Variants in RSRC2 observed in about 807,000 individuals in gnomAD.
RSRC2 encodes the protein arginine and serine rich coiled-coil 2.
A neutral mutation model predicts 61.3 loss-of-function variants in RSRC2; 5 were observed. The observed-to-expected ratio is 0.08, with a 90% CI of 0.04 to 0.17. The LOEUF is 0.17. Ranked by LOEUF, RSRC2 falls within the 10% of genes least tolerant of loss-of-function variation. The pLI is 1.00. For synonymous variants in RSRC2, 202 were observed against 166.5 expected, an observed-to-expected ratio of 1.21 and a Z score of -1.64; for missense variants, 381 against 518.8, an observed-to-expected ratio of 0.73 and a Z score of 2.58.
At chr12:122,514,676 T>C (rs555022688) in intron 6 of RSRC2, 4 of 1,144,488 alleles carry the variant, frequency 3.5e-6, no homozygotes, top group South Asian at 1.5e-5. Context: ...TTAATTGCCA[T>C]CTTCAAAATA....
At chr12:122,518,297 A>G (rs879120356) in intron 4 of RSRC2, among the ~76,000 whole-genome samples, 1 of 152,044 alleles carries the variant, frequency 6.6e-6, no homozygotes, top group African/African-American at 2.4e-5. Flanking sequence ...GACCATCTCA[A>G]AAAAGAAAAT....
At chr12:122,507,768 C>T (rs1958215948) in intron 8 of RSRC2, 1 of 164,304 alleles carries the variant, frequency 6.1e-6, no homozygotes, top group Non-Finnish European at 1.3e-5. Flanking sequence ...TCACTGCAAC[C>T]TCCGCCTCCC....
At chr12:122,515,053 G>A in intron 6 of RSRC2, 52 bp downstream of exon 6, 2 of 1,575,476 alleles carry the variant, frequency 1.3e-6, no homozygotes, top group South Asian at 1.1e-5. Flanking sequence ...CCACACAATT[G>A]AGCATTTATT....
intron 1 of RSRC2, 39 bp downstream of exon 1, chr12:122,526,809 A>T (rs1474787546): frequency 1.9e-6 from 3 of 1,613,246 alleles, no homozygotes; most frequent in Non-Finnish European, 2.5e-6. Context: ...AACGTAGCAG[A>T]AAAATATCCC....
intron 9 of RSRC2, 84 bp downstream of exon 9, chr12:122,506,750 G>T: frequency 1.2e-6 from 1 of 832,550 alleles, no homozygotes; most frequent in Admixed American, 2.2e-5. Context: ...CCTGAGTAAA[G>T]ACCAGAACTA....
chr12:122,509,626 A>C (rs1004112278), intron 7 of RSRC2, among the ~76,000 whole-genome samples: 1 of 152,168 alleles, frequency 6.6e-6, no homozygotes. Context: ...TAACCTTAAA[A>C]AGTACTTAAA....
Position 122,520,691 on chromosome 12 carries a change from G to A in RSRC2, c.207+694C>T, listed in dbSNP as rs1054889832. ...TAACAGAGCTTCCATTACGGGAAGA[G>A]GTGAAGTCCCTGCCCACTCTTGTTT... On this transcript the variant is annotated intron_variant, in intron 3 of 9. Coordinates refer to ENST00000331738, the MANE Select transcript of RSRC2 (RefSeq NM_023012.6). The A allele has an allele frequency of 2.0e-5, 13 of 663,594 alleles. No homozygotes were observed. The African/African-American group carries it at 2.4e-4, about 12-fold the overall frequency. The allele number at this position is 663,594 out of a possible 1,614,324, so 41.1% of individuals were successfully genotyped here.
chr12:122,522,341 T>C, intron 1 of RSRC2, 42 bp from the exon 2 acceptor site: 1 of 1,514,774 alleles, frequency 6.6e-7, no homozygotes. Context: ...TTAATTACAT[T>C]TTAAATGTTT....
Position 122,526,835 on chromosome 12 carries a change from A to T in RSRC2, c.6+13T>A. 1.2e-6 allele frequency: 2 copies of T among 1,614,192 alleles called. No individual in the cohort carries two copies. The highest frequency in any genetic ancestry group is 1.7e-6 in the Non-Finnish European group (2 of 1,179,994). On this transcript the variant is annotated intron_variant, in intron 1 of 9. Transcript: ENST00000331738. ...AAAATATCCCTGGCTTTAAACTCAGATTCGGTACCTACCGCCATAGTTCAG... is the reference window on the plus strand; with the variant it reads ...AAAATATCCCTGGCTTTAAACTCAGTTTCGGTACCTACCGCCATAGTTCAG...
At chr12:122,506,629 T>A (rs1487639359) in intron 9 of RSRC2, 1 of 496,088 alleles carries the variant, frequency 2.0e-6, no homozygotes, top group East Asian at 3.2e-5. Flanking sequence ...TCTCTCTCTC[T>A]CCAAGTGTGT....
chr12:122,507,039 T>C (rs1361870799), intron 8 of RSRC2, 116 bp from the exon 9 acceptor site: 2 of 682,824 alleles, frequency 2.9e-6, no homozygotes, highest in African/African-American at 1.8e-5. Context: ...ATTCAATCAA[T>C]GTAAGTTTAA....
Position 122,504,339 on chromosome 12 carries a change from T to C in RSRC2, c.*1188A>G, listed in dbSNP as rs1958004162. 1 of 152,124 alleles carries C rather than the reference T, an allele frequency of 6.6e-6. No homozygotes were observed. The highest frequency in any genetic ancestry group is 2.4e-5 in the African/African-American group (1 of 41,406). 9.4% of individuals were successfully genotyped at this position (152,124 alleles called of 1,614,324 possible). A position where few individuals can be genotyped will look rare whatever the true frequency, so the allele number is the denominator to read the frequency against. Reference sequence around the variant, plus strand: ...TTATGTTCAATCTAGTAACAAAACATTTTCTAGGCTGGCTGCAGTGGCTCA... The same window carrying C: ...TTATGTTCAATCTAGTAACAAAACACTTTCTAGGCTGGCTGCAGTGGCTCA... On this transcript the variant is annotated 3_prime_UTR_variant, in exon 10 of 10. Coordinates refer to ENST00000331738, the MANE Select transcript of RSRC2 (RefSeq NM_023012.6).
At chr12:122,524,162 T>C (rs1033604823) in intron 1 of RSRC2, among the ~76,000 whole-genome samples, 1 of 152,220 alleles carries the variant, frequency 6.6e-6, no homozygotes. Flanking sequence ...AAAATGATAC[T>C]GCATCTCCGT....
rs1958809787 is a variant in RSRC2, at chr12:122,515,102, C to T, written c.725+3G>A. 2.5e-6 allele frequency: 4 copies of T among 1,612,156 alleles called. No homozygotes were observed. The highest frequency in any genetic ancestry group is 3.4e-6 in the Non-Finnish European group (4 of 1,179,436). ...GAACAAATGAATTAAGAAATATACA[C>T]ACCTTCTAGCTAAAGCTTCCTGTGC... On this transcript the variant is annotated splice_donor_region_variant and intron_variant, in intron 6 of 9. Coordinates refer to ENST00000331738, the MANE Select transcript of RSRC2 (RefSeq NM_023012.6).
chr12:122,517,791 C>CA (rs200118422), intron 4 of RSRC2, among the ~76,000 whole-genome samples: 7 of 151,592 alleles, frequency 4.6e-5, no homozygotes, highest in Admixed American at 2.0e-4. Flanking sequence ...CAGAATTCTC[C>CA]AAAAAAAACC....
At chr12:122,506,734 C>G in intron 9 of RSRC2, 100 bp downstream of exon 9, 1 of 734,828 alleles carries the variant, frequency 1.4e-6, no homozygotes, top group South Asian at 1.7e-5. Context: ...CTCAAAAACG[C>G]TGACACCTGA....
chr12:122,508,202 GAAT>G lies in RSRC2; in HGVS notation c.1035+13_1035+15del. On this transcript the variant is annotated intron_variant, in intron 8 of 9. Coordinates refer to ENST00000331738, the MANE Select transcript of RSRC2 (RefSeq NM_023012.6). Reference sequence around the variant, plus strand: ...ATTAGGAATAAACGACAGAAAAGCAGAATAAGAGAACTTACCCCTTCTTTCTTG... The same window carrying G: ...ATTAGGAATAAACGACAGAAAAGCAGAAGAGAACTTACCCCTTCTTTCTTG... The G allele has an allele frequency of 6.3e-7, 1 of 1,598,940 alleles. No individual in the cohort carries two copies. The highest frequency in any genetic ancestry group is 8.6e-7 in the Non-Finnish European group (1 of 1,166,244).
intron 5 of RSRC2, among the ~76,000 whole-genome samples, chr12:122,516,071 A>C (rs1958894909): frequency 6.6e-6 from 1 of 152,162 alleles, no homozygotes; most frequent in Non-Finnish European, 1.5e-5. Flanking sequence ...CAAAGTAGTA[A>C]ACTACTATAA....
chr12:122,505,786 T>A lies in RSRC2; in HGVS notation c.1126-80A>T, dbSNP rs531772300. On this transcript the variant is annotated intron_variant, in intron 9 of 9. Transcript: ENST00000331738. ...TCACTTGACACTATTTTTTATGTAT[T>A]TTTTTTTTTTGAGATGGAGTCTTGC... 2.3e-5 allele frequency: 26 copies of A among 1,132,954 alleles called. No individual in the cohort carries two copies. The African/African-American group carries it at 3.3e-4, about 15-fold the overall frequency. 70.2% of individuals were successfully genotyped at this position (1,132,954 alleles called of 1,614,324 possible).
Sources: gnomAD v4.1 joint callset for allele counts (sites outside exome capture counted in the v4.1 genomes callset) on GRCh38, gnomAD v4.1.1 for gene constraint, MANE v1.5 for transcripts, NCBI Gene and HGNC (gene_info 2026-07-23, HGNC 2026-07-21) for gene names.